SP4: variants seen among roughly 807,000 people sequenced by gnomAD.
SP4 encodes Sp4 transcription factor, also known as transcription factor Sp4.
Under a neutral mutation model 72.8 loss-of-function variants are expected in SP4, and 19 were observed. That is an observed-to-expected ratio of 0.26 (90% CI 0.18 to 0.38). SP4 has a LOEUF of 0.38. SP4 is among the 10% of genes least tolerant of loss of function. The probability of loss-of-function intolerance (pLI) is 1.00; values close to 1 mark genes in which losing one functional copy is unlikely to be tolerated. For missense variants in SP4, 1,008 were observed against 926.3 expected (o/e 1.09, Z -1.14); for synonymous variants, 395 against 333.1 (o/e 1.19, Z -2.02).
intron 4 of SP4, among the ~76,000 whole-genome samples, chr7:21,478,058 A>C (rs2128409897): frequency 6.6e-6 from 1 of 152,198 alleles, no homozygotes; most frequent in African/African-American, 2.4e-5. Context: ...CAATCCTTCC[A>C]TCCTAGACAA....
At chr7:21,435,877 A>C (rs539779139) in intron 3 of SP4, among the ~76,000 whole-genome samples, 1 of 150,692 alleles carries the variant, frequency 6.6e-6, no homozygotes, top group African/African-American at 2.4e-5. Flanking sequence ...GGACTTCAGG[A>C]TAGATTAGCA....
chr7:21,454,844 A>G (rs1033763599), intron 3 of SP4, among the ~76,000 whole-genome samples: 2 of 152,284 alleles, frequency 1.3e-5, no homozygotes, highest in African/African-American at 4.8e-5. Context: ...CTTTGAAAGT[A>G]AGTTTTTGCC....
At chr7:21,480,984 A>G (rs771834706) in intron 4 of SP4, among the ~76,000 whole-genome samples, 57 of 152,154 alleles carry the variant, frequency 3.7e-4, no homozygotes, top group Non-Finnish European at 6.5e-4. Flanking sequence ...TCTGAGTTAC[A>G]ACCCTGCTTT....
At chr7:21,439,846 T>TA (rs1783182493) in intron 3 of SP4, among the ~76,000 whole-genome samples, 1 of 152,184 alleles carries the variant, frequency 6.6e-6, no homozygotes, top group African/African-American at 2.4e-5. Context: ...AAGGTTATAG[T>TA]AAGCTATGAT....
intron 4 of SP4, 64 bp downstream of exon 4, chr7:21,477,371 A>G (rs1784533046): frequency 3.0e-6 from 3 of 1,006,458 alleles, no homozygotes; most frequent in East Asian, 5.1e-5. Flanking sequence ...AAAACCAAGT[A>G]ATTGGCTGGG....
chr7:21,459,770 G>T (rs1466048362), intron 3 of SP4, among the ~76,000 whole-genome samples: 1 of 152,116 alleles, frequency 6.6e-6, no homozygotes, highest in Non-Finnish European at 1.5e-5. Flanking sequence ...TACTAACTTT[G>T]TCCTCTTACC....
intron 5 of SP4, among the ~76,000 whole-genome samples, chr7:21,487,915 C>G (rs1015729803): frequency 6.6e-6 from 1 of 151,886 alleles, no homozygotes. Flanking sequence ...GGCTGGAGTT[C>G]ACTGGCACGA....
At chr7:21,502,010 A>G (rs940385539) in intron 5 of SP4, among the ~76,000 whole-genome samples, 1 of 133,644 alleles carries the variant, frequency 7.5e-6, no homozygotes, top group African/African-American at 2.9e-5. Flanking sequence ...CCGAGCTGCT[A>G]TTTGGTTTCG....
Position 21,429,719 on chromosome 7 carries a change from G to C in SP4, c.554G>C (p.Ser185Thr). 2 of 1,614,118 alleles carry C rather than the reference G, an allele frequency of 1.2e-6. No individual in the cohort carries two copies. The highest frequency in any genetic ancestry group is 1.7e-6 in the Non-Finnish European group (2 of 1,180,020). ...EGQQIQINPT[S>T]SSSLQDLQGQ... ...CAACAAATTCAAATCAATCCAACTA[G>C]TAGTTCATCTCTACAGGATTTGCAG... Residue 185 changes from serine to threonine, a missense_variant, in exon 3 of 6, where the codon AGT (serine) becomes ACT (threonine). By Grantham distance (58) the Ser-to-Thr change is moderately conservative. Around this residue, in one of 3 missense-constraint regions of SP4, gnomAD observed 893 missense variants for 743.3 expected, o/e 1.20. Transcript: ENST00000222584.
chr7:21,433,996 T>G (rs1345939734), intron 3 of SP4, among the ~76,000 whole-genome samples: 2 of 152,178 alleles, frequency 1.3e-5, no homozygotes, highest in East Asian at 1.9e-4. Flanking sequence ...CAGGAACTTT[T>G]CTGTCTTGAC....
intron 5 of SP4, among the ~76,000 whole-genome samples, chr7:21,502,330 G>C (rs1781891691): frequency 6.6e-6 from 1 of 152,104 alleles, no homozygotes; most frequent in African/African-American, 2.4e-5. Context: ...GGTACAAGTT[G>C]AGAGTTCTCC....
At chr7:21,465,704 C>T (rs557988838) in intron 3 of SP4, among the ~76,000 whole-genome samples, 5 of 152,236 alleles carry the variant, frequency 3.3e-5, no homozygotes, top group Admixed American at 3.3e-4. Context: ...AAGACCTTGT[C>T]ACAATAAAAA....
chr7:21,490,565 A>T (rs1218298347), intron 5 of SP4, among the ~76,000 whole-genome samples: 1 of 152,202 alleles, frequency 6.6e-6, no homozygotes, highest in Non-Finnish European at 1.5e-5. Flanking sequence ...AGCCCCCAGT[A>T]ACTTGGCTTT....
At chr7:21,461,677 C>T (rs551900837) in intron 3 of SP4, among the ~76,000 whole-genome samples, 104 of 152,296 alleles carry the variant, frequency 6.8e-4, no homozygotes, top group African/African-American at 2.4e-3. Context: ...TCGGCCAGCC[C>T]GGAGAAGGGC....
chr7:21,441,482 T>C (rs1297878198), intron 3 of SP4, among the ~76,000 whole-genome samples: 1 of 152,222 alleles, frequency 6.6e-6, no homozygotes, highest in African/African-American at 2.4e-5. Flanking sequence ...CCTAACATTT[T>C]GTTTCAAGAA....
chr7:21,487,750 A>G (rs534610476), intron 5 of SP4, among the ~76,000 whole-genome samples: 3,098 of 81,848 alleles, frequency 0.038, 45 homozygotes, highest in African/African-American at 0.077. Context: ...GTTGATGATG[A>G]TGATGATGAT....
intron 3 of SP4, among the ~76,000 whole-genome samples, chr7:21,440,487 G>T (rs953320693): frequency 3.9e-5 from 6 of 152,178 alleles, no homozygotes; most frequent in Non-Finnish European, 7.3e-5. Flanking sequence ...AGGAATTTCA[G>T]AAAGCTTTGG....
At position 21,512,529 on chromosome 7, in the gene SP4, T is replaced by A. The variant is rs1260282034; in HGVS notation, c.*1260T>A. 6.6e-6 allele frequency: 1 copy of A among 151,790 alleles called. No homozygotes were observed. The highest frequency in any genetic ancestry group is 1.5e-5 in the Non-Finnish European group (1 of 67,984). 9.4% of individuals were successfully genotyped at this position (151,790 alleles called of 1,614,324 possible). On this transcript the variant is annotated 3_prime_UTR_variant, in exon 6 of 6. Transcript: ENST00000222584. ...AAGTGACTAAAGAAAAAAACTATAT[T>A]ATTGTTTATGCAAGGGTCTTACAGG... is the stretch of plus-strand genomic sequence containing the variant.
Position 21,514,551 on chromosome 7 carries a change from A to ATG in SP4, c.*3282_*3283insTG, listed in dbSNP as rs1782222892. 6.6e-6 allele frequency: 1 copy of ATG among 151,796 alleles called. No homozygotes were observed. The highest frequency in any genetic ancestry group is 6.6e-5 in the Admixed American group (1 of 15,230). 9.4% of individuals were successfully genotyped at this position (151,796 alleles called of 1,614,324 possible). A position where few individuals can be genotyped will look rare whatever the true frequency, so the allele number is the denominator to read the frequency against. The stretch of plus-strand genomic sequence containing the variant: ...TTTTGTAAAAAAAAAAAAATGAAAA[A>ATG]AAAAGATGAATCCAGAAAAAAACCT... On this transcript the variant is annotated 3_prime_UTR_variant, in exon 6 of 6. Transcript: ENST00000222584.
Sources: gnomAD v4.1 joint callset for allele counts (sites outside exome capture counted in the v4.1 genomes callset) on GRCh38, gnomAD v4.1.1 for gene constraint, gnomAD v4.1.1 regional missense constraint, MANE v1.5 for transcripts, NCBI Gene and HGNC (gene_info 2026-07-23, HGNC 2026-07-21) for gene names.